TENM3: variants seen among roughly 807,000 people sequenced by gnomAD.
The protein encoded by TENM3 is teneurin transmembrane protein 3, also known as teneurin-3.
A neutral mutation model predicts 255.1 loss-of-function variants in TENM3; 63 were observed. The ratio of observed to expected loss-of-function variants is 0.25; its 90% CI spans 0.20 to 0.30. The LOEUF is 0.30. Among genes scored for constraint, TENM3 ranks in the 10% least tolerant of loss-of-function variants. The pLI is 1.00. For missense variants in TENM3, 2,929 were observed against 3,461.1 expected, an observed-to-expected ratio of 0.85 and a Z score of 3.86; for synonymous variants, 1,306 against 1,322.3, an observed-to-expected ratio of 0.99 and a Z score of 0.27.
chr4:181,699,376 C>T, the TENM3 span, among the ~76,000 whole-genome samples: 1 of 129,200 alleles, frequency 7.7e-6, no homozygotes, highest in African/African-American at 2.9e-5. Context: ...CCAGGAGTTC[C>T]AGGCTTCAGT....
the TENM3 span, among the ~76,000 whole-genome samples, chr4:181,727,206 A>G: frequency 6.6e-6 from 1 of 151,330 alleles, no homozygotes; most frequent in Non-Finnish European, 1.5e-5. Context: ...TAAAAGTTCC[A>G]ACCCTTTGAG....
At chr4:181,684,693 T>G in the TENM3 span, among the ~76,000 whole-genome samples, 1 of 152,164 alleles carries the variant, frequency 6.6e-6, no homozygotes, top group African/African-American at 2.4e-5. Flanking sequence ...AAGTGGTGTA[T>G]GCAATACCCT....
At chr4:182,718,283 G>A (rs1759372828) in intron 13 of TENM3, among the ~76,000 whole-genome samples, 1 of 152,168 alleles carries the variant, frequency 6.6e-6, no homozygotes. Flanking sequence ...TGTTAACTCT[G>A]CTTTCTTCTA....
chr4:182,297,147 G>C lies in TENM3; in HGVS notation c.-75-26799G>C, dbSNP rs114524987. ...AACAGCAGCACCATGCCTGGCTACA[G>C]TCCTTTCTGCTCTCCCTCTCCAGGT... On this transcript the variant is annotated intron_variant, in intron 1 of 27. Transcript: ENST00000511685. Among the ~76,000 whole-genome samples the C allele has an allele frequency of 3.5e-3, 540 of 152,314 alleles. 5 individuals carry two copies. The highest frequency in any genetic ancestry group is 0.012 in the African/African-American group (509 of 41,570).
At chr4:181,674,423 A>C in the TENM3 span, among the ~76,000 whole-genome samples, 1 of 152,200 alleles carries the variant, frequency 6.6e-6, no homozygotes, top group South Asian at 2.1e-4. Context: ...ATGAAAAAAA[A>C]AAAAACTCAT....
chr4:181,547,795 T>G, the TENM3 span, among the ~76,000 whole-genome samples: 1 of 152,260 alleles, frequency 6.6e-6, no homozygotes, highest in African/African-American at 2.4e-5. Context: ...TTTCCATTGA[T>G]ATTTATTTAT....
At chr4:182,122,673 T>G in the TENM3 span, among the ~76,000 whole-genome samples, 1 of 152,168 alleles carries the variant, frequency 6.6e-6, no homozygotes, top group Non-Finnish European at 1.5e-5. Flanking sequence ...CAGAGTAAAT[T>G]TAGCATAATT....
chr4:182,620,901 A>T (rs867785582), intron 4 of TENM3, among the ~76,000 whole-genome samples: 4 of 151,980 alleles, frequency 2.6e-5, no homozygotes, highest in African/African-American at 9.7e-5. Flanking sequence ...GCTAATTTTT[A>T]AAAAAGTTTT....
intron 3 of TENM3, among the ~76,000 whole-genome samples, chr4:182,348,131 G>T (rs1311673630): frequency 6.6e-6 from 1 of 151,966 alleles, no homozygotes; most frequent in Non-Finnish European, 1.5e-5. Flanking sequence ...GAATATCTTA[G>T]TGCATTAAAC....
chr4:182,373,410 A>G (rs1490787607), intron 3 of TENM3, among the ~76,000 whole-genome samples: 3 of 152,212 alleles, frequency 2.0e-5, no homozygotes, highest in Non-Finnish European at 4.4e-5. Context: ...CTACACAAGA[A>G]GCATGGCGCC....
chr4:182,379,914 C>A (rs777889917), intron 3 of TENM3, among the ~76,000 whole-genome samples: 1 of 152,134 alleles, frequency 6.6e-6, no homozygotes, highest in Non-Finnish European at 1.5e-5. Context: ...TTTACCAGAC[C>A]TCTTGGTGTA....
the TENM3 span, among the ~76,000 whole-genome samples, chr4:182,099,439 C>T: frequency 1.3e-5 from 2 of 152,096 alleles, no homozygotes; most frequent in African/African-American, 4.8e-5. Flanking sequence ...AAACTATAGC[C>T]TATAGGCCAT....
chr4:182,529,177 A>G (rs1739528059), intron 3 of TENM3, among the ~76,000 whole-genome samples: 1 of 152,194 alleles, frequency 6.6e-6, no homozygotes, highest in Non-Finnish European at 1.5e-5. Flanking sequence ...AACGTCTTAT[A>G]TACTGGGCTA....
the TENM3 span, among the ~76,000 whole-genome samples, chr4:181,521,943 A>AC: frequency 6.1e-4 from 93 of 151,358 alleles, no homozygotes; most frequent in South Asian, 7.5e-3. Context: ...TTAAAAAAAA[A>AC]ATAAAAAATT....
At chr4:182,529,739 A>G (rs1159853097) in intron 3 of TENM3, among the ~76,000 whole-genome samples, 1 of 151,954 alleles carries the variant, frequency 6.6e-6, no homozygotes, top group Admixed American at 6.6e-5. Flanking sequence ...ACACCAATTT[A>G]TGGGCTAAGG....
chr4:181,583,566 G>T, the TENM3 span, among the ~76,000 whole-genome samples: 1 of 152,126 alleles, frequency 6.6e-6, no homozygotes, highest in Non-Finnish European at 1.5e-5. Flanking sequence ...ACGTGGGGGC[G>T]TGCCACCTCC....
chr4:181,497,328 G>A, the TENM3 span, among the ~76,000 whole-genome samples: 7 of 152,096 alleles, frequency 4.6e-5, no homozygotes, highest in Non-Finnish European at 1.0e-4. Flanking sequence ...CACTATTTAT[G>A]AGCTTTGAAA....
At chr4:182,429,734 C>T (rs1390613100) in intron 3 of TENM3, among the ~76,000 whole-genome samples, 1 of 152,144 alleles carries the variant, frequency 6.6e-6, no homozygotes, top group East Asian at 1.9e-4. Flanking sequence ...TTCAAAATTG[C>T]CACAAATTTG....
chr4:181,672,536 C>T, the TENM3 span, among the ~76,000 whole-genome samples: 2 of 152,174 alleles, frequency 1.3e-5, no homozygotes, highest in Non-Finnish European at 2.9e-5. Flanking sequence ...TAACCAAGAT[C>T]GCATAGCTTA....
Sources: gnomAD v4.1 joint callset for allele counts (sites outside exome capture counted in the v4.1 genomes callset) on GRCh38, gnomAD v4.1.1 for gene constraint, MANE v1.5 for transcripts, NCBI Gene and HGNC (gene_info 2026-07-23, HGNC 2026-07-21) for gene names.